The following SPTA1 variants were observed in gnomAD, a reference collection of about 807,000 sequenced individuals.
SPTA1 encodes spectrin alpha chain, erythrocytic 1.
SPTA1 carries 177 observed loss-of-function variants against 324.7 expected under a neutral mutation model. The observed-to-expected ratio is 0.55, with a 90% confidence interval of 0.48 to 0.62. The LOEUF is 0.62. Ranked by LOEUF, SPTA1 falls within the 20% of genes least tolerant of loss-of-function variation. The pLI is 0.00. For missense variants in SPTA1, 3,162 were observed against 2,883.6 expected, an observed-to-expected ratio of 1.10 and a Z score of -2.21; for synonymous variants, 1,195 against 1,041.3, an observed-to-expected ratio of 1.15 and a Z score of -2.84.
chr1:158,629,005 T>C (rs374822144), intron 39 of SPTA1, among the ~76,000 whole-genome samples: 4 of 151,948 alleles, frequency 2.6e-5, no homozygotes, highest in Non-Finnish European at 5.9e-5. Context: ...ATTTAAATAA[T>C]TAATACCAAT....
chr1:158,635,325 C>A (rs534903093), intron 38 of SPTA1, among the ~76,000 whole-genome samples: 1 of 151,972 alleles, frequency 6.6e-6, no homozygotes, highest in African/African-American at 2.4e-5. Flanking sequence ...CGCCCCCGCC[C>A]GCTCCCTGCC....
At chr1:158,669,668 TA>T in intron 13 of SPTA1, 40 bp downstream of exon 13, 1 of 1,613,980 alleles carries the variant, frequency 6.2e-7, no homozygotes, top group Non-Finnish European at 8.5e-7. Context: ...TTCTTGATTC[TA>T]GTGTGTAGGC....
chr1:158,684,346 G>C (rs760267915), intron 2 of SPTA1, among the ~76,000 whole-genome samples: 5 of 152,082 alleles, frequency 3.3e-5, no homozygotes, highest in Non-Finnish European at 5.9e-5. Flanking sequence ...TCTGAGAAGA[G>C]TGGAGGACAG....
In SPTA1 at chr1:158,672,182, G is replaced by T. The variant is rs1654074244; in HGVS notation, c.1365C>A (p.Asp455Glu). 1.2e-6 allele frequency: 2 copies of T among 1,613,918 alleles called. No individual in the cohort carries two copies. The highest frequency in any genetic ancestry group is 1.7e-6 in the Non-Finnish European group (2 of 1,179,918). Residue 455 changes from aspartate to glutamate, a missense_variant, in exon 11 of 52, where the codon GAC (aspartate) becomes GAA (glutamate). Asp to Glu is a conservative substitution (Grantham distance 45). Transcript: ENST00000643759. ...GTTCCAGCAGGGCAGTCCAGTTGTT[G>T]TCAAGTATTTCCATCTTTGGAAAGA... Reference protein sequence around the residue: ...DEVREKMEILDNNWTALLELW... With the variant: ...DEVREKMEILENNWTALLELW...
chr1:158,611,955 T>G (rs1373349693), intron 51 of SPTA1: 1 of 156,562 alleles, frequency 6.4e-6, no homozygotes, highest in Non-Finnish European at 1.4e-5. Flanking sequence ...GAAGACCACA[T>G]CATTTTCTTT....
Position 158,622,045 on chromosome 1 carries a change from T to G in SPTA1, c.6120+938A>C, listed in dbSNP as rs534513381. On this transcript the variant is annotated intron_variant, in intron 43 of 51. Transcript: ENST00000643759. ...ACGCCCGGCTAATTTTTTGTATTTT[T>G]AGTAGAGACGGTGTTTCACCGTGTT... Among the ~76,000 whole-genome samples, 17 of 152,266 alleles carry G rather than the reference T, an allele frequency of 1.1e-4. No individual in the cohort carries two copies. In the South Asian group the frequency reaches 3.3e-3, roughly 30 times the overall value.
intron 7 of SPTA1, 32 bp downstream of exon 7, chr1:158,677,658 A>G: frequency 6.2e-7 from 1 of 1,611,920 alleles, no homozygotes; most frequent in Non-Finnish European, 8.5e-7. Context: ...TTCTAGCTCA[A>G]CGGGTTAGCC....
chr1:158,622,693 T>TAAA (rs1257898620), intron 43 of SPTA1: 4 of 375,464 alleles, frequency 1.1e-5, no homozygotes, highest in African/African-American at 2.1e-5. Flanking sequence ...CTGACAGTTT[T>TAAA]AATTCTATCA....
intron 39 of SPTA1, among the ~76,000 whole-genome samples, chr1:158,631,553 A>G (rs1027437708): frequency 3.3e-4 from 51 of 152,290 alleles, no homozygotes; most frequent in African/African-American, 1.1e-3. Flanking sequence ...TATCACCACT[A>G]AAGAACTTAT....
In SPTA1 at chr1:158,644,267, C is replaced by T. The variant is rs762173312; in HGVS notation, c.4324G>A (p.Ala1442Thr). ...LMKKRDDLDK[A>T]ITAQEGKITD... is the part of the protein sequence containing the mutation. ...GTCATTATTACCTGGGCAGTGATTGCTTTGTCCAAATCGTCCCGTTTCTTC... is the reference window on the plus strand; with the variant it reads ...GTCATTATTACCTGGGCAGTGATTGTTTTGTCCAAATCGTCCCGTTTCTTC... The change falls in exon 30 of 52, where the codon GCA becomes ACA. Residue 1442 changes from alanine (A) to threonine (T), a missense_variant. By Grantham distance (58) the Ala-to-Thr change is moderately conservative. Coordinates refer to ENST00000643759, the MANE Select transcript of SPTA1 (RefSeq NM_003126.4). The T allele has an allele frequency of 6.2e-7, 1 of 1,613,812 alleles. No individual in the cohort carries two copies. Among genetic ancestry groups the T allele is most frequent in the Non-Finnish European group, 8.5e-7 (1 of 1,179,866 alleles).
At position 158,611,166 on chromosome 1, in the gene SPTA1, C is replaced by CAT. The variant is rs1553221961; in HGVS notation, c.*97_*98insAT. The CAT allele has an allele frequency of 2.9e-6, 4 of 1,387,714 alleles. No individual in the cohort carries two copies. Among genetic ancestry groups the CAT allele is most frequent in the Middle Eastern group, 1.9e-4 (1 of 5,224 alleles). 86.0% of individuals were successfully genotyped at this position (1,387,714 alleles called of 1,614,324 possible). ...ACACACACACACACACACACACACA[C>CAT]GAGGCCATCTTTATCTTCCACATTT... is the stretch of plus-strand genomic sequence containing the variant. On this transcript the variant is annotated 3_prime_UTR_variant, in exon 52 of 52. Coordinates refer to ENST00000643759, the MANE Select transcript of SPTA1 (RefSeq NM_003126.4).
chr1:158,652,873 C>T (rs1400751645), intron 22 of SPTA1, among the ~76,000 whole-genome samples: 2 of 152,130 alleles, frequency 1.3e-5, no homozygotes, highest in East Asian at 3.9e-4. Flanking sequence ...AGTAAAAATG[C>T]CAGTGACCCA....
At chr1:158,620,911 T>C (rs1269446747) in intron 43 of SPTA1, 1 of 149,562 alleles carries the variant, frequency 6.7e-6, no homozygotes, top group Non-Finnish European at 1.4e-5. Flanking sequence ...ACCAAGAAAA[T>C]CTGTTATCTC....
chr1:158,668,445 T>A (rs547551428), intron 14 of SPTA1, among the ~76,000 whole-genome samples: 1 of 152,160 alleles, frequency 6.6e-6, no homozygotes, highest in African/African-American at 2.4e-5. Flanking sequence ...AAACATATAG[T>A]GGAGCCATAA....
At position 158,636,038 on chromosome 1, in the gene SPTA1, A is replaced by T. The variant is rs544472935; in HGVS notation, c.5311-4T>A. On this transcript the variant is annotated splice_polypyrimidine_tract_variant and splice_region_variant and intron_variant, in intron 37 of 51. Coordinates refer to ENST00000643759, the MANE Select transcript of SPTA1 (RefSeq NM_003126.4). Reference sequence around the variant, plus strand: ...TCTCTGCCATATCCAGCACATTCTGAAGAACAACCCCGATACATGTTCCAT... The same window carrying T: ...TCTCTGCCATATCCAGCACATTCTGTAGAACAACCCCGATACATGTTCCAT... 288 of 1,614,108 alleles carry T rather than the reference A, an allele frequency of 1.8e-4. 3 individuals are homozygous for T. The Middle Eastern group carries it at 2.5e-3, about 14-fold the overall frequency.
intron 22 of SPTA1, 117 bp downstream of exon 22, chr1:158,653,157 A>C: frequency 3.3e-6 from 5 of 1,501,934 alleles, no homozygotes; most frequent in Non-Finnish European, 4.6e-6. Context: ...GATTCTTAAA[A>C]TCTTCAGATT....
chr1:158,651,903 C>T (rs1432724251), intron 23 of SPTA1, among the ~76,000 whole-genome samples: 2 of 150,234 alleles, frequency 1.3e-5, no homozygotes, highest in African/African-American at 2.5e-5. Flanking sequence ...CTCTCTCTCT[C>T]TCTCTCTGTG....
In SPTA1 at chr1:158,645,322, C is replaced by A. The variant is rs776082846; in HGVS notation, c.4060G>T (p.Glu1354Ter). The change falls in exon 29 of 52, where the codon GAA becomes TAA. Residue 1354 changes from glutamate to a stop codon, truncating the protein, a stop_gained. Coordinates refer to ENST00000643759, the MANE Select transcript of SPTA1 (RefSeq NM_003126.4). LOFTEE classifies it high-confidence loss of function. ...TFQALEDFSA[E>*]LIDSGHHASP... is the part of the protein sequence containing the mutation. ...GCATGGTGCCCACTGTCGATAAGTT[C>A]TGCACTGAAGTCCTCTAAGGCCTGG... 6.2e-7 allele frequency: 1 copy of A among 1,614,014 alleles called. No individual in the cohort carries two copies. Among genetic ancestry groups the A allele is most frequent in the Non-Finnish European group, 8.5e-7 (1 of 1,179,964 alleles).
At chr1:158,649,557 G>C (rs1652265401) in intron 25 of SPTA1, among the ~76,000 whole-genome samples, 1 of 152,174 alleles carries the variant, frequency 6.6e-6, no homozygotes, top group Non-Finnish European at 1.5e-5. Context: ...AAAGTGCTGG[G>C]ATTACAGCTG....
Sources: allele counts gnomAD v4.1 joint callset (sites outside exome capture counted in the v4.1 genomes callset), GRCh38; gene constraint gnomAD v4.1.1; transcripts MANE v1.5; gene names NCBI Gene and HGNC (gene_info 2026-07-23, HGNC 2026-07-21).